The following KIAA1217 variants were observed in gnomAD, a reference collection of about 807,000 sequenced individuals.
KIAA1217 encodes KIAA1217.
A neutral mutation model predicts 163.9 loss-of-function variants in KIAA1217; 88 were observed. That is an observed-to-expected ratio of 0.54 (90% CI 0.45 to 0.64). The LOEUF (loss-of-function observed/expected upper bound fraction) is 0.64, where lower values mean the gene tolerates loss of function less well. Ranked by LOEUF, KIAA1217 falls within the 30% of genes least tolerant of loss-of-function variation. KIAA1217 has a pLI of 0.00. For missense variants in KIAA1217, 2,372 were observed against 2,475.0 expected (o/e 0.96, Z 0.88); for synonymous variants, 903 against 923.1 (o/e 0.98, Z 0.39).
rs751196133 is a variant in KIAA1217, at chr10:24,546,342, G to T, written c.*18G>T. 6 of 1,558,258 alleles carry T rather than the reference G, an allele frequency of 3.9e-6. No individual in the cohort carries two copies. The South Asian group carries it at 6.0e-5, about 16-fold the overall frequency. Reference sequence around the variant, plus strand: ...CCTCTTAAAGGTCAAATCCTATTAGGCACAAGTCGGAGTTACATTTAAAAA... The same window carrying T: ...CCTCTTAAAGGTCAAATCCTATTAGTCACAAGTCGGAGTTACATTTAAAAA... On this transcript the variant is annotated 3_prime_UTR_variant, in exon 21 of 21. Transcript: ENST00000376454.
intron 1 of KIAA1217, among the ~76,000 whole-genome samples, chr10:23,751,877 G>A (rs996943880): frequency 1.3e-5 from 2 of 152,198 alleles, no homozygotes; most frequent in Admixed American, 1.3e-4. Context: ...AAAACGATGA[G>A]ATGAGAGAAA....
rs2063756141 is a variant in KIAA1217, at chr10:24,473,803, T to G, written c.1422T>G (p.Ser474=). The G allele has an allele frequency of 6.2e-7, 1 of 1,613,976 alleles. No individual in the cohort carries two copies. ...TGGGCTCCAAAACACCCCCTGCCTC[T>G]CCTCACAGAGTCAGTGACCTGAGGA... ...PTLGSKTPPA[S]PHRVSDLRMI... The change falls in exon 6 of 21, where the codon TCT becomes TCG. Residue 474 remains serine (S), a synonymous_variant. Transcript: ENST00000376454.
intron 2 of KIAA1217, among the ~76,000 whole-genome samples, chr10:24,272,929 T>C (rs1287089502): frequency 6.6e-6 from 1 of 152,252 alleles, no homozygotes; most frequent in Non-Finnish European, 1.5e-5. Flanking sequence ...GTTCTTTCTC[T>C]GGTCCTTGCA....
At chr10:24,394,025 A>G (rs539769510) in intron 3 of KIAA1217, among the ~76,000 whole-genome samples, 8 of 152,302 alleles carry the variant, frequency 5.3e-5, no homozygotes, top group South Asian at 4.1e-4. Context: ...CAAGCTTTCC[A>G]TTCACTTTAA....
At chr10:23,943,579 G>A (rs1843874840) in intron 1 of KIAA1217, among the ~76,000 whole-genome samples, 1 of 152,170 alleles carries the variant, frequency 6.6e-6, no homozygotes, top group South Asian at 2.1e-4. Flanking sequence ...AATTTTGATT[G>A]AAACTGCAAC....
At chr10:24,350,944 CTTT>C (rs370236759) in intron 2 of KIAA1217, among the ~76,000 whole-genome samples, 3 of 148,322 alleles carry the variant, frequency 2.0e-5, no homozygotes, top group African/African-American at 4.9e-5. Context: ...GATTATGCAT[CTTT>C]TTTTTTTATT....
intron 2 of KIAA1217, among the ~76,000 whole-genome samples, chr10:24,138,725 T>C (rs7077449): frequency 0.017 from 2,518 of 152,088 alleles, 62 homozygotes; most frequent in African/African-American, 0.057. Context: ...TGACATACAG[T>C]CTCAGAAATG....
rs191646188 is a variant in KIAA1217 at position 23,724,151 on chromosome 10, G to A, written c.-321+28917G>A. Among the ~76,000 whole-genome samples, 91 of 152,272 alleles carry A rather than the reference G, an allele frequency of 6.0e-4. 1 individual carries two copies. Among genetic ancestry groups the A allele is most frequent in the Middle Eastern group, 3.4e-3 (1 of 294 alleles). On this transcript the variant is annotated intron_variant, in intron 1 of 18. Transcript: ENST00000376462. ...CCATTCATGGGAAATCTACCTGCAT[G>A]ATCCAATCACTTCTCACCAGGCCCC... is the stretch of plus-strand genomic sequence containing the variant.
intron 1 of KIAA1217, among the ~76,000 whole-genome samples, chr10:23,997,564 G>T (rs1221515111): frequency 1.3e-5 from 2 of 152,116 alleles, no homozygotes; most frequent in Admixed American, 1.3e-4. Flanking sequence ...AGACGCTCAG[G>T]CTGGAAGGTT....
chr10:24,340,985 G>A (rs781276463), intron 2 of KIAA1217, among the ~76,000 whole-genome samples: 11 of 152,046 alleles, frequency 7.2e-5, no homozygotes, highest in East Asian at 3.9e-4. Flanking sequence ...ATAGTTCTCC[G>A]TCATGTAATC....
chr10:23,820,236 A>G (rs1309377660), intron 1 of KIAA1217, among the ~76,000 whole-genome samples: 1 of 152,186 alleles, frequency 6.6e-6, no homozygotes, highest in African/African-American at 2.4e-5. Flanking sequence ...TGTCTCTTCT[A>G]TTTCATATCC....
At chr10:23,963,351 T>C (rs1278498025) in intron 1 of KIAA1217, among the ~76,000 whole-genome samples, 1 of 152,148 alleles carries the variant, frequency 6.6e-6, no homozygotes, top group Non-Finnish European at 1.5e-5. Context: ...CACTTATGAG[T>C]GAGAACCTGC....
chr10:24,330,805 G>A (rs1054083953), intron 2 of KIAA1217, among the ~76,000 whole-genome samples: 1 of 151,864 alleles, frequency 6.6e-6, no homozygotes, highest in Non-Finnish European at 1.5e-5. Context: ...TGTAGAGATG[G>A]GTTTTTCCAT....
At chr10:24,104,820 T>C (rs1030235669) in intron 2 of KIAA1217, among the ~76,000 whole-genome samples, 1 of 152,174 alleles carries the variant, frequency 6.6e-6, no homozygotes, top group African/African-American at 2.4e-5. Flanking sequence ...AAAACTACTC[T>C]AAAAAGTAAA....
At chr10:23,933,256 C>T (rs898621786) in intron 1 of KIAA1217, among the ~76,000 whole-genome samples, 1 of 152,058 alleles carries the variant, frequency 6.6e-6, no homozygotes. Flanking sequence ...AGTTTCAGAC[C>T]AAATAATATT....
chr10:24,093,192 C>T (rs1378781963), intron 2 of KIAA1217, among the ~76,000 whole-genome samples: 8 of 151,184 alleles, frequency 5.3e-5, no homozygotes, highest in African/African-American at 7.3e-5. Context: ...TTTTTTGAGA[C>T]GGAGTTTTAC....
intron 2 of KIAA1217, among the ~76,000 whole-genome samples, chr10:24,060,515 C>T (rs960993661): frequency 2.0e-5 from 3 of 152,138 alleles, no homozygotes; most frequent in African/African-American, 7.2e-5. Context: ...TAAGACTTGG[C>T]CAAACACAGT....
chr10:24,458,371 TC>T (rs928037477), intron 5 of KIAA1217, among the ~76,000 whole-genome samples: 4 of 152,148 alleles, frequency 2.6e-5, no homozygotes, highest in Admixed American at 2.0e-4. Flanking sequence ...TTTTTTTTGC[TC>T]CCCACATTTG....
At chr10:23,873,003 G>GT (rs1409647231) in intron 1 of KIAA1217, among the ~76,000 whole-genome samples, 1 of 152,008 alleles carries the variant, frequency 6.6e-6, no homozygotes, top group Non-Finnish European at 1.5e-5. Context: ...AATGACAAAA[G>GT]TCTGTTAAAA....
Sources: allele counts gnomAD v4.1 joint callset (sites outside exome capture counted in the v4.1 genomes callset), GRCh38; gene constraint gnomAD v4.1.1; transcripts MANE v1.5; gene names NCBI Gene and HGNC (gene_info 2026-07-23, HGNC 2026-07-21).